The following PRR33 variants were observed in gnomAD, a reference collection of about 807,000 sequenced individuals.
The protein encoded by PRR33 is proline-rich protein 33.
PRR33 carries 1 observed loss-of-function variant against 0.5 expected under a neutral mutation model. The ratio of observed to expected loss-of-function variants is 2.18; its 90% confidence interval spans 0.77 to 10.34. The LOEUF is 10.34. Ranked by LOEUF, PRR33 falls within the 30% of genes most tolerant of loss-of-function variation. The pLI, the probability that PRR33 is intolerant of heterozygous loss-of-function variation, is 0.13. For synonymous variants in PRR33, 226 were observed against 110.0 expected (o/e 2.06, Z -6.60); for missense variants, 552 against 251.8 (o/e 2.19, Z -8.07).
exon 1 of PRR33, chr11:1,889,479 G>T (rs952280626): frequency 1.5e-5 from 9 of 619,862 alleles, no homozygotes; most frequent in South Asian, 5.6e-5. Flanking sequence ...TGTGGGGGTG[G>T]GCACCTCTGG....
the PRR33 span, among the ~76,000 whole-genome samples, chr11:1,899,800 A>G: frequency 1.3e-5 from 2 of 152,194 alleles, no homozygotes; most frequent in Admixed American, 1.3e-4. Context: ...ATAATCTTTT[A>G]GCTACTGCTA....
At chr11:1,905,227 A>C in the PRR33 span, among the ~76,000 whole-genome samples, 1 of 148,094 alleles carries the variant, frequency 6.8e-6, no homozygotes, top group Non-Finnish European at 1.5e-5. Context: ...CCCAGGTTCA[A>C]GTAATTCTCC....
chr11:1,914,649 TGTG>T, the PRR33 span, among the ~76,000 whole-genome samples: 1 of 132,764 alleles, frequency 7.5e-6, no homozygotes, highest in African/African-American at 3.0e-5. Context: ...CTGTGTGTGT[TGTG>T]GGGTGTACAA....
chr11:1,905,471 C>T, the PRR33 span, among the ~76,000 whole-genome samples: 1 of 132,964 alleles, frequency 7.5e-6, no homozygotes, highest in Non-Finnish European at 1.6e-5. Context: ...CAGAGTGTCG[C>T]TCTGTCGCCC....
At chr11:1,895,157 A>G (rs1473699202), upstream of PRR33, among the ~76,000 whole-genome samples, 1 of 147,216 alleles carries the variant, frequency 6.8e-6, no homozygotes, top group Non-Finnish European at 1.5e-5. Context: ...TTTGAGATGG[A>G]GTTTTGCTCT....
the PRR33 span, among the ~76,000 whole-genome samples, chr11:1,904,780 A>G: frequency 6.6e-6 from 1 of 151,722 alleles, no homozygotes; most frequent in East Asian, 2.0e-4. Context: ...AAGTGCTGGG[A>G]TTACAGGCGA....
At chr11:1,896,651 C>T (rs1849127744), upstream of PRR33, among the ~76,000 whole-genome samples, 2 of 152,122 alleles carry the variant, frequency 1.3e-5, no homozygotes, top group African/African-American at 4.8e-5. Flanking sequence ...GGCCTAATTG[C>T]ACGAGCAGGA....
the PRR33 span, among the ~76,000 whole-genome samples, chr11:1,908,608 G>T: frequency 6.6e-6 from 1 of 152,094 alleles, no homozygotes; most frequent in Non-Finnish European, 1.5e-5. Context: ...GCTGGTGGTT[G>T]TTGGAAGATA....
At chr11:1,916,912 G>A in the PRR33 span, among the ~76,000 whole-genome samples, 1 of 152,214 alleles carries the variant, frequency 6.6e-6, no homozygotes, top group African/African-American at 2.4e-5. Context: ...AGAGGCCCCT[G>A]GCCAGGGATG....
the PRR33 span, among the ~76,000 whole-genome samples, chr11:1,906,005 T>C: frequency 6.6e-6 from 1 of 151,286 alleles, no homozygotes; most frequent in Admixed American, 6.6e-5. Flanking sequence ...TTTTTTTTTT[T>C]TGGAGAGATG....
chr11:1,902,246 A>C, the PRR33 span, among the ~76,000 whole-genome samples: 20 of 151,810 alleles, frequency 1.3e-4, no homozygotes, highest in African/African-American at 3.4e-4. Flanking sequence ...AAAAAAAAAA[A>C]ACACACAATT....
At chr11:1,906,636 T>C in the PRR33 span, among the ~76,000 whole-genome samples, 1 of 152,188 alleles carries the variant, frequency 6.6e-6, no homozygotes, top group African/African-American at 2.4e-5. Flanking sequence ...TGGAATAGTG[T>C]GGGCTAACTA....
upstream of PRR33, among the ~76,000 whole-genome samples, chr11:1,895,916 G>C (rs1166680527): frequency 6.6e-6 from 1 of 152,146 alleles, no homozygotes; most frequent in Non-Finnish European, 1.5e-5. Context: ...GCTGAGGTGG[G>C]AGGATCCCTA....
At chr11:1,901,971 G>A in the PRR33 span, among the ~76,000 whole-genome samples, 127 of 152,300 alleles carry the variant, frequency 8.3e-4, no homozygotes, top group African/African-American at 3.0e-3. Context: ...GGTGGCTCAC[G>A]CCTGTAATCC....
the PRR33 span, among the ~76,000 whole-genome samples, chr11:1,914,532 G>C: frequency 6.7e-6 from 1 of 148,834 alleles, no homozygotes; most frequent in East Asian, 2.0e-4. Flanking sequence ...ATGTTGCTCT[G>C]TGTATGTGCC....
the PRR33 span, among the ~76,000 whole-genome samples, chr11:1,912,751 C>T: frequency 6.6e-6 from 1 of 152,084 alleles, no homozygotes; most frequent in African/African-American, 2.4e-5. Context: ...ATTACAGGCA[C>T]CTGCCACCAC....
At chr11:1,893,449 CTGGA>C (rs572776479), upstream of PRR33, among the ~76,000 whole-genome samples, 19,476 of 145,382 alleles carry the variant, frequency 0.13, 1,659 homozygotes, top group Non-Finnish European at 0.18. Context: ...GGCTGGCTGG[CTGGA>C]TGGATGGATG....
chr11:1,890,014 T>C (rs2133143657), exon 1 of PRR33: 6 of 671,920 alleles, frequency 8.9e-6, no homozygotes, highest in Non-Finnish European at 1.4e-5. Context: ...GGGGTCCCAT[T>C]GTGTGGGGAT....
upstream of PRR33, among the ~76,000 whole-genome samples, chr11:1,896,146 A>G (rs1849122301): frequency 1.3e-5 from 2 of 152,254 alleles, no homozygotes; most frequent in Middle Eastern, 6.8e-3. Flanking sequence ...TTAGCTCTTC[A>G]ATTGTGTTCT....
Sources: allele counts gnomAD v4.1 joint callset (sites outside exome capture counted in the v4.1 genomes callset), GRCh38; gene constraint gnomAD v4.1.1; transcripts MANE v1.5; gene names NCBI Gene and HGNC (gene_info 2026-07-23, HGNC 2026-07-21).